The following MAF variants were observed in gnomAD, a reference collection of about 807,000 sequenced individuals.
The protein encoded by MAF is transcription factor Maf.
Under a neutral mutation model 22.0 loss-of-function variants are expected in MAF, and 10 were observed. That is an observed-to-expected ratio of 0.45 (90% confidence interval 0.28 to 0.77). The LOEUF (loss-of-function observed/expected upper bound fraction) is 0.77. Among genes scored for constraint, MAF ranks in the 30% least tolerant of loss-of-function variants. MAF has a pLI of 0.12. For synonymous variants in MAF, 337 were observed against 255.8 expected (o/e 1.32, Z -3.03); for missense variants, 544 against 548.4 (o/e 0.99, Z 0.08).
chr16:79,244,766 C>T, the MAF span, among the ~76,000 whole-genome samples: 1 of 151,980 alleles, frequency 6.6e-6, no homozygotes, highest in Admixed American at 6.6e-5. Flanking sequence ...CCAAGACAAT[C>T]CTAAGCAAAA....
At chr16:79,564,326 T>C in the MAF span, among the ~76,000 whole-genome samples, 2 of 152,216 alleles carry the variant, frequency 1.3e-5, no homozygotes, top group Non-Finnish European at 2.9e-5. Context: ...AGTTTCTTTC[T>C]TCTAGTTGCG....
At chr16:79,243,807 A>G in the MAF span, among the ~76,000 whole-genome samples, 1 of 152,096 alleles carries the variant, frequency 6.6e-6, no homozygotes, top group African/African-American at 2.4e-5. Flanking sequence ...CATTGCTGCG[A>G]AAATCCTCAA....
chr16:79,271,542 G>A, the MAF span, among the ~76,000 whole-genome samples: 2 of 152,230 alleles, frequency 1.3e-5, no homozygotes, highest in South Asian at 2.1e-4. Flanking sequence ...TGAGTAGACT[G>A]TGACAGCCTC....
the MAF span, among the ~76,000 whole-genome samples, chr16:79,277,433 T>A: frequency 6.6e-6 from 1 of 152,338 alleles, no homozygotes; most frequent in Middle Eastern, 3.4e-3. Flanking sequence ...CATATGGAAT[T>A]GCTGCATCTG....
the MAF span, among the ~76,000 whole-genome samples, chr16:79,226,446 G>A: frequency 6.6e-6 from 1 of 152,002 alleles, no homozygotes; most frequent in Non-Finnish European, 1.5e-5. Context: ...GTTGATGGGT[G>A]CAACAAACCA....
the MAF span, among the ~76,000 whole-genome samples, chr16:79,332,520 A>C: frequency 2.0e-5 from 3 of 152,200 alleles, no homozygotes; most frequent in Non-Finnish European, 4.4e-5. Context: ...GGCTGGCTTC[A>C]AACTCCTGAC....
the MAF span, among the ~76,000 whole-genome samples, chr16:79,372,382 G>C: frequency 1.9e-4 from 29 of 152,276 alleles, no homozygotes; most frequent in African/African-American, 6.7e-4. Context: ...CCACTGAATA[G>C]GGATAAATGT....
chr16:79,371,020 G>A, the MAF span, among the ~76,000 whole-genome samples: 5 of 152,186 alleles, frequency 3.3e-5, no homozygotes, highest in East Asian at 7.7e-4. Context: ...AAGAATTCAG[G>A]CATGGCTCAG....
chr16:79,317,941 C>G, the MAF span, among the ~76,000 whole-genome samples: 1 of 134,078 alleles, frequency 7.5e-6, no homozygotes, highest in Non-Finnish European at 1.5e-5. Context: ...CACTCACTCA[C>G]TCACTCACTC....
the MAF span, among the ~76,000 whole-genome samples, chr16:79,455,262 C>T: frequency 1.3e-5 from 2 of 152,008 alleles, no homozygotes; most frequent in African/African-American, 4.8e-5. Flanking sequence ...CAGAAGAAAG[C>T]TTAGTATATG....
chr16:79,492,081 A>C, the MAF span, among the ~76,000 whole-genome samples: 2 of 152,228 alleles, frequency 1.3e-5, no homozygotes, highest in African/African-American at 4.8e-5. Flanking sequence ...GTGAATAAAA[A>C]GAGCCTATCT....
At chr16:79,485,978 C>G in the MAF span, among the ~76,000 whole-genome samples, 3 of 152,218 alleles carry the variant, frequency 2.0e-5, no homozygotes, top group Non-Finnish European at 4.4e-5. Flanking sequence ...GACAAAAAAT[C>G]TGGACCACTG....
chr16:79,259,860 G>T, the MAF span, among the ~76,000 whole-genome samples: 1 of 152,102 alleles, frequency 6.6e-6, no homozygotes, highest in African/African-American at 2.4e-5. Context: ...TAATGGGGTG[G>T]GAAGGGGGAG....
At chr16:79,478,543 C>G in the MAF span, among the ~76,000 whole-genome samples, 1 of 152,246 alleles carries the variant, frequency 6.6e-6, no homozygotes, top group East Asian at 1.9e-4. Context: ...CTGTGAGAGT[C>G]TATTTTGACT....
chr16:79,416,324 C>A, the MAF span, among the ~76,000 whole-genome samples: 4 of 152,090 alleles, frequency 2.6e-5, no homozygotes, highest in African/African-American at 9.7e-5. Flanking sequence ...TATTGGGAAG[C>A]GTCTCTGTGA....
the MAF span, among the ~76,000 whole-genome samples, chr16:79,238,929 G>A: frequency 6.6e-6 from 1 of 151,686 alleles, no homozygotes; most frequent in Non-Finnish European, 1.5e-5. Flanking sequence ...CTCATGGTGG[G>A]GTAACCACCA....
the MAF span, among the ~76,000 whole-genome samples, chr16:79,231,273 T>G: frequency 2.0e-5 from 3 of 152,186 alleles, no homozygotes; most frequent in East Asian, 5.8e-4. Context: ...CGGGCTAGCA[T>G]GCACACAGGG....
chr16:79,239,936 G>A, the MAF span, among the ~76,000 whole-genome samples: 9 of 152,136 alleles, frequency 5.9e-5, no homozygotes, highest in South Asian at 1.7e-3. Flanking sequence ...AGCACAACAC[G>A]AATGTTTTAC....
the MAF span, among the ~76,000 whole-genome samples, chr16:79,341,018 G>A: frequency 2.0e-5 from 3 of 152,190 alleles, no homozygotes; most frequent in African/African-American, 7.2e-5. Context: ...AGCTGGAGAA[G>A]AGCCTTCCAG....
Sources: allele counts gnomAD v4.1 joint callset (sites outside exome capture counted in the v4.1 genomes callset), GRCh38; gene constraint gnomAD v4.1.1; transcripts MANE v1.5; gene names NCBI Gene and HGNC (gene_info 2026-07-23, HGNC 2026-07-21).